CFAP221: variants seen among roughly 807,000 people sequenced by gnomAD.
The protein encoded by CFAP221 is cilia- and flagella-associated protein 221.
CFAP221 carries 97 observed loss-of-function variants against 113.1 expected under a neutral mutation model. The observed-to-expected ratio is 0.86, with a 90% CI of 0.73 to 1.02. The LOEUF is 1.02. Ranked by LOEUF, CFAP221 falls within the 50% of genes least tolerant of loss-of-function variation. The pLI is 0.00. For missense variants in CFAP221, 1,025 were observed against 1,013.4 expected (o/e 1.01, Z -0.16); for synonymous variants, 331 against 354.4 (o/e 0.93, Z 0.74).
intron 21 of CFAP221, among the ~76,000 whole-genome samples, chr2:119,646,173 A>G (rs1687790909): frequency 6.6e-6 from 1 of 152,242 alleles, no homozygotes; most frequent in Non-Finnish European, 1.5e-5. Context: ...ATGGAATAGA[A>G]TGTCTAAGAA....
At chr2:119,547,965 G>T (rs1680166090) in intron 2 of CFAP221, among the ~76,000 whole-genome samples, 1 of 152,040 alleles carries the variant, frequency 6.6e-6, no homozygotes, top group Non-Finnish European at 1.5e-5. Flanking sequence ...TTTTTTGTTT[G>T]TTTGTTTTTT....
At chr2:119,650,268 G>A (rs1688048311) in intron 22 of CFAP221, among the ~76,000 whole-genome samples, 1 of 152,218 alleles carries the variant, frequency 6.6e-6, no homozygotes, top group Non-Finnish European at 1.5e-5. Flanking sequence ...CTGCCCACAT[G>A]CAATGATACT....
chr2:119,550,995 A>G (rs1484942012), intron 3 of CFAP221, among the ~76,000 whole-genome samples: 3 of 152,200 alleles, frequency 2.0e-5, no homozygotes, highest in African/African-American at 4.8e-5. Context: ...TATGAACGCA[A>G]TCATACAATA....
chr2:119,617,402 G>C (rs1174841239), intron 14 of CFAP221, among the ~76,000 whole-genome samples: 4 of 152,180 alleles, frequency 2.6e-5, no homozygotes, highest in African/African-American at 9.7e-5. Context: ...GTAAGAAGAG[G>C]CAGCACAAAG....
At chr2:119,598,684 C>A (rs1196229963) in intron 7 of CFAP221, among the ~76,000 whole-genome samples, 1 of 152,210 alleles carries the variant, frequency 6.6e-6, no homozygotes, top group African/African-American at 2.4e-5. Flanking sequence ...TAAGCTGTAA[C>A]TCCTTGGCAC....
At position 119,555,821 on chromosome 2, in the gene CFAP221, G is replaced by C. The variant is rs150381543; in HGVS notation, c.241-3868G>C. 1.5e-3 allele frequency among the ~76,000 whole-genome samples: 226 copies of C among 152,310 alleles called. 1 individual carries two copies. Among genetic ancestry groups the C allele is most frequent in the Non-Finnish European group, 2.4e-3 (166 of 68,030 alleles). ...GACATTGCACAAAATGGCCTCTGCA[G>C]TCTTCCTGGGCTCAGACAAATCTTT... On this transcript the variant is annotated intron_variant, in intron 3 of 23. Coordinates refer to ENST00000413369, the MANE Select transcript of CFAP221 (RefSeq NM_001271049.2).
chr2:119,566,015 G>A (rs894518182), intron 6 of CFAP221, among the ~76,000 whole-genome samples: 1 of 152,202 alleles, frequency 6.6e-6, no homozygotes, highest in African/African-American at 2.4e-5. Context: ...AGATGATCAA[G>A]ACCTGGTACC....
At chr2:119,561,378 G>T (rs1681234293) in intron 5 of CFAP221, among the ~76,000 whole-genome samples, 1 of 152,082 alleles carries the variant, frequency 6.6e-6, no homozygotes, top group East Asian at 1.9e-4. Flanking sequence ...GCCTAGAACA[G>T]GCATTGTATA....
intron 21 of CFAP221, among the ~76,000 whole-genome samples, chr2:119,642,960 T>C (rs1346088173): frequency 3.3e-5 from 5 of 151,950 alleles, no homozygotes; most frequent in African/African-American, 1.2e-4. Flanking sequence ...GTTCTTGTTA[T>C]TTTTAATGTA....
downstream of CFAP221, among the ~76,000 whole-genome samples, chr2:119,657,385 G>T (rs77379786): frequency 0.038 from 5,800 of 152,150 alleles, 242 homozygotes; most frequent in African/African-American, 0.1. Context: ...ACCTTACATG[G>T]GGTTGTGAGG....
intron 14 of CFAP221, among the ~76,000 whole-genome samples, chr2:119,617,714 C>T (rs1390245309): frequency 6.6e-6 from 1 of 152,240 alleles, no homozygotes; most frequent in Non-Finnish European, 1.5e-5. Flanking sequence ...ACAGGTTCCC[C>T]TACATCCAGT....
At chr2:119,546,389 C>T in intron 2 of CFAP221, 119 bp downstream of exon 2, 5 of 1,174,582 alleles carry the variant, frequency 4.3e-6, no homozygotes, top group Non-Finnish European at 5.8e-6. Context: ...TAGGCTTATA[C>T]TAATTTTTAT....
At chr2:119,629,586 ACTGAGTCCTTCAAGC>A (rs1005411776) in intron 16 of CFAP221, among the ~76,000 whole-genome samples, 14 of 152,238 alleles carry the variant, frequency 9.2e-5, no homozygotes, top group Middle Eastern at 3.4e-3. Flanking sequence ...GCAGCTAGGG[ACTGAGTCCTTCAAGC>A]CTGAGTCCTT....
chr2:119,647,103 A>T lies in CFAP221; in HGVS notation c.2318+53A>T. The T allele has an allele frequency of 4.9e-6, 7 of 1,423,646 alleles. No homozygotes were observed. The South Asian group carries it at 8.4e-5, about 17-fold the overall frequency. 88.2% of individuals were successfully genotyped at this position (1,423,646 alleles called of 1,614,324 possible). ...CTCTAATGTGGTCTGTTTTCCAAAAATATGTGAGGTGCTGTGAGGAACTTC... is the reference window on the plus strand; with the variant it reads ...CTCTAATGTGGTCTGTTTTCCAAAATTATGTGAGGTGCTGTGAGGAACTTC... On this transcript the variant is annotated intron_variant, in intron 22 of 23. Transcript: ENST00000413369.
downstream of CFAP221, among the ~76,000 whole-genome samples, chr2:119,658,539 C>T (rs1490611133): frequency 2.0e-5 from 3 of 152,070 alleles, no homozygotes; most frequent in East Asian, 5.8e-4. Flanking sequence ...CTTGTTGCTA[C>T]TGTGGTCCAA....
chr2:119,560,044 GCTTT>G lies in CFAP221; in HGVS notation c.426+19_426+22del. On this transcript the variant is annotated intron_variant, in intron 5 of 23. Coordinates refer to ENST00000413369, the MANE Select transcript of CFAP221 (RefSeq NM_001271049.2). ...ACTGTAAGGTAGGTCTCTTAAAATT[GCTTT>G]TTTTTTTTTTTTTTTTTGATGGTGG... 3.7e-6 allele frequency: 4 copies of G among 1,070,646 alleles called. No homozygotes were observed. The highest frequency in any genetic ancestry group is 4.9e-6 in the Non-Finnish European group (4 of 811,258). The allele number at this position is 1,070,646 out of a possible 1,614,324, so 66.3% of individuals were successfully genotyped here.
chr2:119,646,559 C>T (rs750011848), intron 21 of CFAP221, among the ~76,000 whole-genome samples: 1 of 152,126 alleles, frequency 6.6e-6, no homozygotes, highest in Non-Finnish European at 1.5e-5. Flanking sequence ...ACTCCACCCC[C>T]GCGATCCAAT....
intron 3 of CFAP221, chr2:119,557,090 AC>A (rs1680862182): frequency 6.6e-6 from 1 of 152,156 alleles, no homozygotes. Flanking sequence ...AATGGAGCGA[AC>A]CCAGCAGCTT....
intron 7 of CFAP221, among the ~76,000 whole-genome samples, chr2:119,594,653 C>T (rs1053485588): frequency 6.6e-6 from 1 of 152,178 alleles, no homozygotes; most frequent in Admixed American, 6.5e-5. Flanking sequence ...TTCTATTCAG[C>T]ACTCTACTCA....
Sources: allele counts gnomAD v4.1 joint callset (sites outside exome capture counted in the v4.1 genomes callset), GRCh38; gene constraint gnomAD v4.1.1; transcripts MANE v1.5; gene names NCBI Gene and HGNC (gene_info 2026-07-23, HGNC 2026-07-21).